Variants in SPATA7 observed in about 807,000 individuals in gnomAD.
SPATA7 encodes the protein spermatogenesis associated 7.
In SPATA7, 43 loss-of-function variants were observed where a neutral mutation model predicts 51.8. The observed-to-expected ratio is 0.83, with a 90% CI of 0.65 to 1.07. The LOEUF is 1.07. Among genes scored for constraint, SPATA7 ranks in the 50% least tolerant of loss-of-function variants. SPATA7 has a pLI of 0.00. For missense variants in SPATA7, 683 were observed against 701.3 expected (o/e 0.97, Z 0.30); for synonymous variants, 230 against 252.8 (o/e 0.91, Z 0.86).
chr14:88,433,358 A>G, intron 10 of SPATA7, 146 bp downstream of exon 10: 1 of 634,634 alleles, frequency 1.6e-6, no homozygotes, highest in Non-Finnish European at 2.7e-6. Flanking sequence ...TATTATTATA[A>G]TTGATAGCAA....
At chr14:88,390,519 C>T (rs1386969238) in intron 1 of SPATA7, among the ~76,000 whole-genome samples, 2 of 152,154 alleles carry the variant, frequency 1.3e-5, no homozygotes, top group Non-Finnish European at 2.9e-5. Context: ...CTGTCAAAGG[C>T]CCAGGATTGT....
chr14:88,414,971 G>A (rs1310263225), intron 4 of SPATA7, among the ~76,000 whole-genome samples: 3 of 151,980 alleles, frequency 2.0e-5, no homozygotes, highest in African/African-American at 4.8e-5. Flanking sequence ...CTTTGTCTTC[G>A]AGCATGTGGT....
Position 88,416,737 on chromosome 14 carries a change from C to T in SPATA7, c.265C>T (p.Leu89Phe), listed in dbSNP as rs747784419. The T allele has an allele frequency of 6.8e-6, 11 of 1,613,090 alleles. No individual in the cohort carries two copies. The East Asian group carries it at 1.8e-4, about 26-fold the overall frequency. Residue 89 changes from leucine (L) to phenylalanine (F), a missense_variant, in exon 5 of 12, where the codon CTC becomes TTC. Physicochemically the swap from Leu to Phe is conservative, Grantham distance 22. Transcript: ENST00000393545. The stretch of plus-strand genomic sequence containing the variant: ...TGCAGACCAACAACGAAGAGAGAAA[C>T]TCAAAAAGGAATTAGCACAATGTGA... ...KYADQQRREKLKKELAQCEKE... is the reference protein window; with the variant it reads ...KYADQQRREKFKKELAQCEKE...
At chr14:88,420,905 G>A (rs199885056) in intron 5 of SPATA7, among the ~76,000 whole-genome samples, 1 of 152,096 alleles carries the variant, frequency 6.6e-6, no homozygotes, top group African/African-American at 2.4e-5. Flanking sequence ...CACCAGGTCA[G>A]GAGATCAAGA....
At chr14:88,458,945 G>T (rs189132005), downstream of SPATA7, among the ~76,000 whole-genome samples, 1 of 152,308 alleles carries the variant, frequency 6.6e-6, no homozygotes, top group Admixed American at 6.5e-5. Flanking sequence ...TGGTTTCAAA[G>T]AACATCTTTA....
intron 3 of SPATA7, among the ~76,000 whole-genome samples, chr14:88,448,498 C>A (rs1311054964): frequency 6.6e-6 from 1 of 152,340 alleles, no homozygotes; most frequent in Non-Finnish European, 1.5e-5. Flanking sequence ...CAAAGTCATT[C>A]TCCGTCCAGC....
At chr14:88,448,403 T>A (rs1188951203) in intron 3 of SPATA7, among the ~76,000 whole-genome samples, 1 of 152,166 alleles carries the variant, frequency 6.6e-6, no homozygotes, top group African/African-American at 2.4e-5. Flanking sequence ...TTTTTCAAAG[T>A]TTTCAACTTC....
rs771016799 is a variant in SPATA7 at position 88,429,434 on chromosome 14, G to C, written c.999G>C (p.Lys333Asn). ...ATGACTCAACATGGGATGAGATTAAGGATGATGCTCTTCAGCATTCCTCAC... is the reference window on the plus strand; with the variant it reads ...ATGACTCAACATGGGATGAGATTAACGATGATGCTCTTCAGCATTCCTCAC... ...EGHDSTWDEIKDDALQHSSPR... is the reference protein window; with the variant it reads ...EGHDSTWDEINDDALQHSSPR... The change falls in exon 8 of 12, where the codon AAG becomes AAC. Residue 333 changes from lysine to asparagine, a missense_variant. Coordinates refer to ENST00000393545, the MANE Select transcript of SPATA7 (RefSeq NM_018418.5). The C allele has an allele frequency of 1.4e-5, 22 of 1,612,108 alleles. No individual in the cohort carries two copies. Among genetic ancestry groups the C allele is most frequent in the African/African-American group, 2.7e-5 (2 of 74,842 alleles).
intron 10 of SPATA7, among the ~76,000 whole-genome samples, chr14:88,434,593 G>T (rs1216509067): frequency 1.3e-5 from 2 of 151,516 alleles, no homozygotes; most frequent in African/African-American, 2.4e-5. Context: ...GGTGAGGCAG[G>T]AGAATCGCTT....
chr14:88,427,742 A>T, intron 7 of SPATA7, 46 bp downstream of exon 7: 4 of 1,347,750 alleles, frequency 3.0e-6, no homozygotes, highest in South Asian at 1.2e-5. Flanking sequence ...TGAATTACAG[A>T]TGTTTTTCAG....
At chr14:88,470,233 G>C in exon 5 of SPATA7, 1 of 612,542 alleles carries the variant, frequency 1.6e-6, no homozygotes, top group Non-Finnish European at 2.8e-6. Flanking sequence ...AATACAATTT[G>C]CATTACTGAC....
At chr14:88,461,841 T>C (rs2077319652) in intron 4 of SPATA7, among the ~76,000 whole-genome samples, 1 of 152,216 alleles carries the variant, frequency 6.6e-6, no homozygotes, top group Admixed American at 6.5e-5. Flanking sequence ...TATTTGGCTA[T>C]CTTGGAACCG....
Position 88,469,075 on chromosome 14 carries a change from T to C in SPATA7, c.255-772T>C, listed in dbSNP as rs1595334574. On this transcript the variant is annotated intron_variant, in intron 4 of 4. Transcript: ENST00000556406. The surrounding 1 kb of genome is among the most constrained non-coding windows in gnomAD (Gnocchi z 4.3). ...GAACAGACTGGATCTCTTCAAGATA[T>C]GCTGTGGAAAATCAATGAAATAGAA... The C allele has an allele frequency of 1.2e-6, 2 of 1,605,774 alleles. No individual in the cohort carries two copies. Among genetic ancestry groups the C allele is most frequent in the Middle Eastern group, 1.7e-4 (1 of 6,044 alleles).
intron 4 of SPATA7, chr14:88,468,010 C>T (rs144517340): frequency 7.5e-5 from 90 of 1,205,694 alleles, no homozygotes; most frequent in East Asian, 2.4e-4. Flanking sequence ...ATTCAGACTG[C>T]GCCACTTACG....
At chr14:88,424,019 C>T (rs1038503769) in intron 5 of SPATA7, among the ~76,000 whole-genome samples, 3 of 152,144 alleles carry the variant, frequency 2.0e-5, no homozygotes, top group African/African-American at 7.2e-5. Context: ...TATTACTTTA[C>T]ATAAATCTTG....
rs557485486 is a variant in SPATA7, at chr14:88,467,739, A to T, written c.255-2108A>T. 15 of 177,900 alleles carry T rather than the reference A, an allele frequency of 8.4e-5. No homozygotes were observed. The South Asian group carries it at 1.8e-3, about 22-fold the overall frequency. 11.0% of individuals were successfully genotyped at this position (177,900 alleles called of 1,614,324 possible). On this transcript the variant is annotated intron_variant, in intron 4 of 4. Coordinates refer to the SPATA7 transcript ENST00000556406. ...CTAGAAAAATCCCTAAATATTTGTC[A>T]TAAAATAAAAACTCCATTATCAAAA...
rs150418302 is a variant in SPATA7, at chr14:88,468,231, C to G, written c.255-1616C>G. On this transcript the variant is annotated intron_variant, in intron 4 of 4. Coordinates refer to the SPATA7 transcript ENST00000556406. ...CTGCACCAGCATCATTCTCTGTTGC[C>G]TCAGCATGTCCAGCACTCTCGGGAT... 6.8e-6 allele frequency: 11 copies of G among 1,610,072 alleles called. No individual in the cohort carries two copies. The African/African-American group carries it at 1.3e-4, about 20-fold the overall frequency.
At chr14:88,393,633 G>T in intron 3 of SPATA7, 145 bp downstream of exon 3, 1 of 672,796 alleles carries the variant, frequency 1.5e-6, no homozygotes, top group East Asian at 2.9e-5. Flanking sequence ...ACAAACTATT[G>T]ACTCTAGGTA....
Position 88,393,594 on chromosome 14 carries a change from G to A in SPATA7, c.190+106G>A, listed in dbSNP as rs560307193. 9.2e-6 allele frequency: 8 copies of A among 872,744 alleles called. No homozygotes were observed. The African/African-American group carries it at 1.3e-4, about 15-fold the overall frequency. The allele number at this position is 872,744 out of a possible 1,614,324, so 54.1% of individuals were successfully genotyped here. A position where few individuals can be genotyped will look rare whatever the true frequency, so the allele number is the denominator to read the frequency against. ...AAATGAATACCTTATATATATGAGAGGATTTGTATTTGTTTGGTTTAGTGT... is the reference window on the plus strand; with the variant it reads ...AAATGAATACCTTATATATATGAGAAGATTTGTATTTGTTTGGTTTAGTGT... On this transcript the variant is annotated intron_variant, in intron 3 of 11. Transcript: ENST00000393545.
Sources: gnomAD v4.1 joint callset for allele counts (sites outside exome capture counted in the v4.1 genomes callset) on GRCh38, gnomAD v4.1.1 for gene constraint, Gnocchi (gnomAD v3.1) non-coding constraint, MANE v1.5 for transcripts, NCBI Gene and HGNC (gene_info 2026-07-23, HGNC 2026-07-21) for gene names.